The following NCK2 variants were observed in gnomAD, a reference collection of about 807,000 sequenced individuals.
The protein encoded by NCK2 is cytoplasmic protein NCK2.
In NCK2, 16 loss-of-function variants were observed where a neutral mutation model predicts 33.9. That is an observed-to-expected ratio of 0.47 (90% CI 0.32 to 0.72). The LOEUF is 0.72. NCK2 is among the 30% of genes least tolerant of loss of function. The pLI is 0.03. For synonymous variants in NCK2, 273 were observed against 239.9 expected (o/e 1.14, Z -1.27); for missense variants, 418 against 537.3 (o/e 0.78, Z 2.19).
intron 2 of NCK2, among the ~76,000 whole-genome samples, chr2:105,848,088 G>A (rs1221233055): frequency 6.6e-6 from 1 of 152,188 alleles, no homozygotes; most frequent in African/African-American, 2.4e-5. Flanking sequence ...TCAAGCCATT[G>A]AGCCTAGTGA....
chr2:105,888,033 G>A (rs115240904), intron 4 of NCK2, among the ~76,000 whole-genome samples: 1,703 of 152,296 alleles, frequency 0.011, 27 homozygotes, highest in African/African-American at 0.038. Context: ...CTCTGAGCCC[G>A]GTGTGGGGAT....
At chr2:105,837,210 G>A (rs902414091) in intron 2 of NCK2, among the ~76,000 whole-genome samples, 2 of 152,104 alleles carry the variant, frequency 1.3e-5, no homozygotes, top group Non-Finnish European at 2.9e-5. Flanking sequence ...AGTTCTTTGT[G>A]GATGAGGTGA....
chr2:105,811,649 G>A (rs1464591065), intron 1 of NCK2, among the ~76,000 whole-genome samples: 1 of 152,194 alleles, frequency 6.6e-6, no homozygotes, highest in African/African-American at 2.4e-5. Flanking sequence ...CCAGGTGGAG[G>A]TCCTTTGTCA....
rs1456773337 is a variant in NCK2 at position 105,893,163 on chromosome 2, G to A, written c.1130G>A (p.Arg377Lys). ...SEHGEKLYLV[R>K]ALQ ...CACGGGGAGAAGCTCTACCTCGTCA[G>A]GGCCCTGCAGTGACGGCGCCCCGGC... Residue 377 changes from arginine (R) to lysine (K), a missense_variant, in exon 5 of 5, where the codon AGG becomes AAG. Physicochemically the swap from Arg to Lys is conservative, Grantham distance 26. Coordinates refer to ENST00000233154, the MANE Select transcript of NCK2 (RefSeq NM_003581.5). 6.2e-7 allele frequency: 1 copy of A among 1,600,942 alleles called. No individual in the cohort carries two copies. The highest frequency in any genetic ancestry group is 8.5e-7 in the Non-Finnish European group (1 of 1,173,322).
At chr2:105,882,695 G>A (rs962737891) in intron 4 of NCK2, among the ~76,000 whole-genome samples, 17 of 152,148 alleles carry the variant, frequency 1.1e-4, no homozygotes, top group Admixed American at 5.2e-4. Context: ...CGGTGGGCAG[G>A]CTGGGGGCGG....
At chr2:105,754,966 T>G (rs1689559226) in intron 1 of NCK2, among the ~76,000 whole-genome samples, 1 of 152,172 alleles carries the variant, frequency 6.6e-6, no homozygotes, top group African/African-American at 2.4e-5. Context: ...TTCTTCTGGT[T>G]CTCCCCTCAC....
At chr2:105,821,098 A>G (rs1391368114) in intron 2 of NCK2, among the ~76,000 whole-genome samples, 1 of 152,228 alleles carries the variant, frequency 6.6e-6, no homozygotes, top group Non-Finnish European at 1.5e-5. Flanking sequence ...TTTAACTACT[A>G]AAGTTTACTA....
At chr2:105,835,408 T>TATATATATATATATATATAC (rs1553458610) in intron 2 of NCK2, among the ~76,000 whole-genome samples, 11 of 41,232 alleles carry the variant, frequency 2.7e-4, no homozygotes, top group South Asian at 1.1e-3. Flanking sequence ...TATATATACG[T>TATATATATATATATATATAC]GTATATATAT....
intron 1 of NCK2, among the ~76,000 whole-genome samples, chr2:105,789,161 G>A (rs1459600729): frequency 6.6e-6 from 1 of 152,164 alleles, no homozygotes; most frequent in Non-Finnish European, 1.5e-5. Flanking sequence ...CAGGTTTGCA[G>A]TTAGATGTGG....
chr2:105,832,247 A>G (rs572809728), intron 2 of NCK2, among the ~76,000 whole-genome samples: 1 of 152,124 alleles, frequency 6.6e-6, no homozygotes, highest in Non-Finnish European at 1.5e-5. Flanking sequence ...ATTTCACCGG[A>G]TCTGTTTACC....
At chr2:105,831,410 C>CTTTTTTTTTTTTTTTTTTTTTTTTT in intron 2 of NCK2, among the ~76,000 whole-genome samples, 1 of 144,846 alleles carries the variant, frequency 6.9e-6, no homozygotes, top group Non-Finnish European at 1.5e-5. Context: ...AGCATGATAT[C>CTTTTTTTTTTTTTTTTTTTTTTTTT]TTTTTTTTTT....
chr2:105,854,650 T>C (rs1452418900), intron 2 of NCK2: 2 of 157,458 alleles, frequency 1.3e-5, no homozygotes, highest in African/African-American at 2.4e-5. Flanking sequence ...AGTTTGGTTA[T>C]GTTGACTTAT....
At chr2:105,879,400 T>G (rs1416952961) in intron 3 of NCK2, among the ~76,000 whole-genome samples, 1 of 152,210 alleles carries the variant, frequency 6.6e-6, no homozygotes, top group African/African-American at 2.4e-5. Flanking sequence ...TGTGGCGGTA[T>G]CATGGTGCTT....
intron 1 of NCK2, among the ~76,000 whole-genome samples, chr2:105,799,013 C>T (rs1405304427): frequency 6.6e-6 from 1 of 151,860 alleles, no homozygotes; most frequent in Non-Finnish European, 1.5e-5. Context: ...GTTTGAAGGC[C>T]TTATATTTTC....
chr2:105,877,835 G>A (rs967727784), intron 3 of NCK2, among the ~76,000 whole-genome samples: 5 of 152,198 alleles, frequency 3.3e-5, no homozygotes, highest in Non-Finnish European at 5.9e-5. Flanking sequence ...CATCACTGGT[G>A]GGTATGTTGG....
rs149664097 is a variant in NCK2 at position 105,866,871 on chromosome 2, C to G, written c.226+11582C>G. Among the ~76,000 whole-genome samples, 899 of 152,236 alleles carry G rather than the reference C, an allele frequency of 5.9e-3. 10 individuals carry two copies. The highest frequency in any genetic ancestry group is 0.02 in the African/African-American group (835 of 41,540). ...ATATATGCTTCCTGGGTGTTGAGTGCTTGGGATGCTCAGTGTGGCTTATAT... is the reference window on the plus strand; with the variant it reads ...ATATATGCTTCCTGGGTGTTGAGTGGTTGGGATGCTCAGTGTGGCTTATAT... On this transcript the variant is annotated intron_variant, in intron 3 of 4. Coordinates refer to ENST00000233154, the MANE Select transcript of NCK2 (RefSeq NM_003581.5).
At chr2:105,869,212 G>A (rs2104623543) in intron 3 of NCK2, among the ~76,000 whole-genome samples, 1 of 152,276 alleles carries the variant, frequency 6.6e-6, no homozygotes, top group East Asian at 1.9e-4. Context: ...TTTTTAGGGA[G>A]GATAGAGGTG....
intron 3 of NCK2, among the ~76,000 whole-genome samples, chr2:105,872,550 CTA>C (rs1193046449): frequency 1.3e-5 from 2 of 152,196 alleles, no homozygotes; most frequent in Non-Finnish European, 2.9e-5. Flanking sequence ...AAGTGATTCT[CTA>C]TTTCACTAGT....
chr2:105,773,220 G>A (rs1690191989), intron 1 of NCK2, among the ~76,000 whole-genome samples: 1 of 151,954 alleles, frequency 6.6e-6, no homozygotes, highest in East Asian at 1.9e-4. Flanking sequence ...CTTTTTGCCA[G>A]TGAGTGCCAA....
Sources: gnomAD v4.1 joint callset for allele counts (sites outside exome capture counted in the v4.1 genomes callset) on GRCh38, gnomAD v4.1.1 for gene constraint, MANE v1.5 for transcripts, NCBI Gene and HGNC (gene_info 2026-07-23, HGNC 2026-07-21) for gene names.